Variants in ADAM32 observed in about 807,000 individuals in gnomAD.
The protein encoded by ADAM32 is disintegrin and metalloproteinase domain-containing protein 32.
In ADAM32, 89 loss-of-function variants were observed where a neutral mutation model predicts 114.9. That is an observed-to-expected ratio of 0.77 (90% CI 0.65 to 0.92). The LOEUF is 0.92. Among genes scored for constraint, ADAM32 ranks in the 40% least tolerant of loss-of-function variants. ADAM32 has a pLI of 0.00. For missense variants in ADAM32, 870 were observed against 932.8 expected (o/e 0.93, Z 0.88); for synonymous variants, 285 against 307.5 (o/e 0.93, Z 0.77).
chr8:39,220,669 A>G (rs1457103056), intron 12 of ADAM32, among the ~76,000 whole-genome samples: 1 of 151,712 alleles, frequency 6.6e-6, no homozygotes, highest in African/African-American at 2.4e-5. Flanking sequence ...TTCTTCATTG[A>G]CTATTGATCA....
intron 19 of ADAM32, among the ~76,000 whole-genome samples, chr8:39,266,321 T>C (rs556570234): frequency 6.6e-6 from 1 of 152,230 alleles, no homozygotes; most frequent in Non-Finnish European, 1.5e-5. Context: ...GTTTGGTCTC[T>C]ACGTAATCAC....
At chr8:39,219,675 C>T (rs73676819) in intron 12 of ADAM32, among the ~76,000 whole-genome samples, 12,958 of 152,202 alleles carry the variant, frequency 0.085, 1,877 homozygotes, top group African/African-American at 0.29. Flanking sequence ...CTTTCCCACC[C>T]TCTTTGGTGC....
chr8:39,159,796 T>C (rs1448446641), intron 6 of ADAM32, among the ~76,000 whole-genome samples: 1 of 152,134 alleles, frequency 6.6e-6, no homozygotes, highest in East Asian at 1.9e-4. Flanking sequence ...CCATAATTCT[T>C]TGAGAACAAA....
In ADAM32 at chr8:39,236,445, A is replaced by C. The variant is rs1419370159; in HGVS notation, c.1818+2363A>C. On this transcript the variant is annotated intron_variant, in intron 16 of 24. Transcript: ENST00000379907. The stretch of plus-strand genomic sequence containing the variant: ...TAATAGCCAATCTTATTTTATTGAT[A>C]TCCTCCACTTTTCTGCCCTGAATCA... Among the ~76,000 whole-genome samples, 3 of 152,166 alleles carry C rather than the reference A, an allele frequency of 2.0e-5. No homozygotes were observed. In the East Asian group the frequency reaches 5.8e-4, roughly 29 times the overall value.
chr8:39,128,371 G>C (rs1802242144), intron 2 of ADAM32, among the ~76,000 whole-genome samples: 1 of 152,028 alleles, frequency 6.6e-6, no homozygotes, highest in African/African-American at 2.4e-5. Flanking sequence ...CTATTTGCTT[G>C]GTAAATTTTC....
intron 11 of ADAM32, among the ~76,000 whole-genome samples, chr8:39,195,974 G>A (rs1585511509): frequency 6.6e-6 from 1 of 152,012 alleles, no homozygotes; most frequent in South Asian, 2.1e-4. Context: ...ACTCCACATG[G>A]GTGGATGTTT....
At chr8:39,157,889 G>C in intron 6 of ADAM32, 1 of 468,980 alleles carries the variant, frequency 2.1e-6, no homozygotes, top group Non-Finnish European at 4.0e-6. Flanking sequence ...AGATCTTCTT[G>C]TTGATCTCAG....
chr8:39,151,826 A>T (rs76687122), intron 6 of ADAM32, among the ~76,000 whole-genome samples: 61 of 151,522 alleles, frequency 4.0e-4, no homozygotes, highest in Non-Finnish European at 8.1e-4. Context: ...ACCATACCAG[A>T]CTAATTTTTT....
intron 24 of ADAM32, among the ~76,000 whole-genome samples, chr8:39,284,232 G>T (rs557055478): frequency 6.6e-6 from 1 of 152,062 alleles, no homozygotes; most frequent in Non-Finnish European, 1.5e-5. Flanking sequence ...GTACCTACAA[G>T]ATGTAAGATC....
At chr8:39,236,683 A>G (rs530319764) in intron 16 of ADAM32, among the ~76,000 whole-genome samples, 3 of 152,326 alleles carry the variant, frequency 2.0e-5, no homozygotes, top group South Asian at 2.1e-4. Context: ...CCCAAAATTC[A>G]TAGTTTACAT....
chr8:39,209,299 G>T (rs1808056373), intron 11 of ADAM32, among the ~76,000 whole-genome samples: 1 of 151,614 alleles, frequency 6.6e-6, no homozygotes, highest in Non-Finnish European at 1.5e-5. Context: ...ATCTATTATT[G>T]CTCCAGGAAT....
intron 11 of ADAM32, among the ~76,000 whole-genome samples, chr8:39,196,449 CA>C (rs901652173): frequency 2.0e-5 from 3 of 151,996 alleles, no homozygotes; most frequent in Non-Finnish European, 4.4e-5. Flanking sequence ...TTTTCCTGTC[CA>C]GTAGGGTGTT....
In ADAM32 at chr8:39,152,484, G is replaced by C. The variant is rs559665891; in HGVS notation, c.525+936G>C. 3.9e-5 allele frequency among the ~76,000 whole-genome samples: 6 copies of C among 152,272 alleles called. No individual in the cohort carries two copies. The South Asian group carries it at 1.2e-3, about 32-fold the overall frequency. On this transcript the variant is annotated intron_variant, in intron 6 of 24. Coordinates refer to ENST00000379907, the MANE Select transcript of ADAM32 (RefSeq NM_145004.7). ...CACCTGTAATCCCAGCACTTTGGGA[G>C]CCCAAGTTGGGTGGATCTCCTGAGG... is the stretch of plus-strand genomic sequence containing the variant.
At position 39,118,184 on chromosome 8, in the gene ADAM32, C is replaced by T; in HGVS notation, c.138+19C>T. On this transcript the variant is annotated intron_variant, in intron 2 of 24. Transcript: ENST00000379907. ...AGAATATGTAAGAGATATTTTTTCA[C>T]AATCTAAATGTTTATATGAAATTTC... The T allele has an allele frequency of 7.5e-7, 1 of 1,331,670 alleles. No individual in the cohort carries two copies. Among genetic ancestry groups the T allele is most frequent in the Non-Finnish European group, 1.0e-6 (1 of 999,176 alleles). 82.5% of individuals were successfully genotyped at this position (1,331,670 alleles called of 1,614,324 possible). A position where few individuals can be genotyped will look rare whatever the true frequency, so the allele number is the denominator to read the frequency against.
At chr8:39,159,338 C>T (rs1804343930) in intron 6 of ADAM32, among the ~76,000 whole-genome samples, 1 of 152,208 alleles carries the variant, frequency 6.6e-6, no homozygotes, top group Non-Finnish European at 1.5e-5. Context: ...TACAGATTGA[C>T]TCTGGGTTTG....
intron 1 of ADAM32, among the ~76,000 whole-genome samples, chr8:39,114,422 A>G (rs1840292316): frequency 1.3e-5 from 2 of 152,218 alleles, no homozygotes; most frequent in South Asian, 4.1e-4. Flanking sequence ...GAACCAGGGA[A>G]GAGGCTGTGA....
chr8:39,271,398 A>T (rs193121172), intron 20 of ADAM32, among the ~76,000 whole-genome samples: 1 of 151,726 alleles, frequency 6.6e-6, no homozygotes, highest in African/African-American at 2.4e-5. Flanking sequence ...GTGTAAGCAA[A>T]CCTACTGCAC....
intron 18 of ADAM32, among the ~76,000 whole-genome samples, chr8:39,256,486 TG>T (rs1316771986): frequency 1.3e-5 from 2 of 152,054 alleles, no homozygotes; most frequent in African/African-American, 4.8e-5. Context: ...CATATTATTC[TG>T]TTTGTGCCCC....
intron 11 of ADAM32, among the ~76,000 whole-genome samples, chr8:39,203,929 T>C (rs1807624031): frequency 6.6e-6 from 1 of 152,188 alleles, no homozygotes; most frequent in Non-Finnish European, 1.5e-5. Flanking sequence ...GGGTTGAAAA[T>C]TCTTTTCTTT....
Sources: allele counts gnomAD v4.1 joint callset (sites outside exome capture counted in the v4.1 genomes callset), GRCh38; gene constraint gnomAD v4.1.1; transcripts MANE v1.5; gene names NCBI Gene and HGNC (gene_info 2026-07-23, HGNC 2026-07-21).